Variants in ARK2C observed in about 807,000 individuals in gnomAD.
ARK2C encodes arkadia (RNF111) C-terminal like ring finger ubiquitin ligase 2C.
At chr18:46,455,537 ATTAC>A in the ARK2C span, among the ~76,000 whole-genome samples, 1 of 152,158 alleles carries the variant, frequency 6.6e-6, no homozygotes, top group African/African-American at 2.4e-5. Context: ...AGTTCTGGGT[ATTAC>A]TTAAGAACTT....
the ARK2C span, among the ~76,000 whole-genome samples, chr18:46,410,605 T>C: frequency 2.6e-5 from 4 of 152,258 alleles, no homozygotes; most frequent in Non-Finnish European, 2.9e-5. Context: ...ATCTTGGTTA[T>C]GACCTGGAGC....
At chr18:46,338,060 A>G in the ARK2C span, among the ~76,000 whole-genome samples, 1 of 152,190 alleles carries the variant, frequency 6.6e-6, no homozygotes, top group African/African-American at 2.4e-5. Context: ...TAGGTTGAGA[A>G]AAGGGATACT....
chr18:46,371,326 G>A, the ARK2C span, among the ~76,000 whole-genome samples: 5 of 152,200 alleles, frequency 3.3e-5, no homozygotes, highest in African/African-American at 9.6e-5. Context: ...CCTGGCCAAC[G>A]AGATGGCCCA....
chr18:46,344,082 G>A, the ARK2C span, among the ~76,000 whole-genome samples: 1 of 152,240 alleles, frequency 6.6e-6, no homozygotes, highest in Non-Finnish European at 1.5e-5. Context: ...GAGAAGGAGG[G>A]GGACAGTCAC....
chr18:46,406,385 G>A, the ARK2C span, among the ~76,000 whole-genome samples: 3 of 152,220 alleles, frequency 2.0e-5, no homozygotes, highest in Admixed American at 1.3e-4. Context: ...GGTGCTGGCC[G>A]GGGCTGGCCA....
chr18:46,395,140 G>A, the ARK2C span, among the ~76,000 whole-genome samples: 1 of 152,152 alleles, frequency 6.6e-6, no homozygotes, highest in South Asian at 2.1e-4. Flanking sequence ...TGGGGTGGAG[G>A]GATTAAAAGA....
chr18:46,336,446 T>C, the ARK2C span: 2 of 985,388 alleles, frequency 2.0e-6, no homozygotes, highest in Non-Finnish European at 2.4e-6. Flanking sequence ...ACGGCAAACA[T>C]GCCCACAGGA....
the ARK2C span, among the ~76,000 whole-genome samples, chr18:46,365,373 T>A: frequency 9.4e-4 from 143 of 152,150 alleles, no homozygotes; most frequent in Non-Finnish European, 1.8e-3. Context: ...TCTAGAAGTC[T>A]CTGGAAGAGC....
the ARK2C span, among the ~76,000 whole-genome samples, chr18:46,382,742 T>G: frequency 6.6e-5 from 10 of 151,982 alleles, no homozygotes; most frequent in East Asian, 1.7e-3. Flanking sequence ...GCTCATGGAG[T>G]GTCCCTCTGG....
chr18:46,411,175 G>A, the ARK2C span, among the ~76,000 whole-genome samples: 2 of 152,234 alleles, frequency 1.3e-5, no homozygotes, highest in Non-Finnish European at 2.9e-5. Flanking sequence ...GGGTAGAAAG[G>A]AAACGACAGC....
chr18:46,364,348 A>C, the ARK2C span, among the ~76,000 whole-genome samples: 1 of 152,012 alleles, frequency 6.6e-6, no homozygotes, highest in Non-Finnish European at 1.5e-5. Flanking sequence ...TTGGGTCAAA[A>C]ATTCACAGAA....
the ARK2C span, among the ~76,000 whole-genome samples, chr18:46,382,930 C>T: frequency 6.6e-6 from 1 of 152,226 alleles, no homozygotes; most frequent in African/African-American, 2.4e-5. Flanking sequence ...AGTCCCATCC[C>T]CTTATTTTAT....
At chr18:46,435,438 GGGA>G in the ARK2C span, 1 of 1,421,782 alleles carries the variant, frequency 7.0e-7, no homozygotes. Flanking sequence ...GAGGAAGGGA[GGGA>G]GGAGGGAGGT....
At chr18:46,367,991 C>A in the ARK2C span, among the ~76,000 whole-genome samples, 1 of 152,188 alleles carries the variant, frequency 6.6e-6, no homozygotes, top group Non-Finnish European at 1.5e-5. Context: ...CTAGGCAGCA[C>A]CCCCAGCTGG....
the ARK2C span, among the ~76,000 whole-genome samples, chr18:46,436,433 C>A: frequency 6.6e-6 from 1 of 152,052 alleles, no homozygotes; most frequent in African/African-American, 2.4e-5. Flanking sequence ...ACTTTTAGGT[C>A]AAAAATATTT....
At chr18:46,378,906 C>T in the ARK2C span, among the ~76,000 whole-genome samples, 1 of 152,226 alleles carries the variant, frequency 6.6e-6, no homozygotes, top group East Asian at 1.9e-4. Flanking sequence ...CCACCTTCCA[C>T]TCTTCCTCCC....
At chr18:46,454,110 CAAAAAAAAAA>C in the ARK2C span, among the ~76,000 whole-genome samples, 9 of 16,628 alleles carry the variant, frequency 5.4e-4, no homozygotes, top group East Asian at 0.012. Context: ...AAGGCCGTCT[CAAAAAAAAAA>C]AAAAAAAAAA....
At chr18:46,410,740 G>A in the ARK2C span, among the ~76,000 whole-genome samples, 4 of 152,310 alleles carry the variant, frequency 2.6e-5, no homozygotes, top group Middle Eastern at 3.4e-3. Flanking sequence ...CCATGACCAG[G>A]AGGGCCACTC....
the ARK2C span, among the ~76,000 whole-genome samples, chr18:46,447,196 C>T: frequency 6.6e-6 from 1 of 152,198 alleles, no homozygotes; most frequent in South Asian, 2.1e-4. Flanking sequence ...GCTCCCTCCT[C>T]CACTTTTATC....
Sources: allele counts gnomAD v4.1 joint callset (sites outside exome capture counted in the v4.1 genomes callset), GRCh38; gene constraint gnomAD v4.1.1; transcripts MANE v1.5; gene names NCBI Gene and HGNC (gene_info 2026-07-23, HGNC 2026-07-21).